The following NSFL1C variants were observed in gnomAD, a reference collection of about 807,000 sequenced individuals.
NSFL1C encodes NSFL1 cofactor.
NSFL1C carries 14 observed loss-of-function variants against 43.1 expected under a neutral mutation model. The observed-to-expected ratio is 0.32, with a 90% confidence interval of 0.21 to 0.51. The LOEUF (loss-of-function observed/expected upper bound fraction) is 0.51, where lower values mean the gene tolerates loss of function less well. Ranked by LOEUF, NSFL1C falls within the 20% of genes least tolerant of loss-of-function variation. The pLI is 0.98. For missense variants in NSFL1C, 406 were observed against 472.5 expected (o/e 0.86, Z 1.30); for synonymous variants, 171 against 183.5 (o/e 0.93, Z 0.55).
chr20:1,455,648 G>A (rs1224145315), intron 3 of NSFL1C: 1 of 779,468 alleles, frequency 1.3e-6, no homozygotes, highest in African/African-American at 1.7e-5. Context: ...GTAAGCCAGT[G>A]CACTACTCTG....
chr20:1,451,662 TG>T (rs1182317924), intron 7 of NSFL1C, among the ~76,000 whole-genome samples: 1 of 152,216 alleles, frequency 6.6e-6, no homozygotes, highest in African/African-American at 2.4e-5. Flanking sequence ...GGTGACCCCA[TG>T]GCCATGGCCA....
chr20:1,445,256 G>C (rs530597996), intron 8 of NSFL1C, among the ~76,000 whole-genome samples: 5 of 152,150 alleles, frequency 3.3e-5, no homozygotes, highest in Non-Finnish European at 7.4e-5. Flanking sequence ...GGCCCCTTGT[G>C]GGGAGGGAGG....
intron 8 of NSFL1C, 93 bp from the exon 9 acceptor site, chr20:1,444,004 C>T: frequency 4.4e-6 from 6 of 1,354,486 alleles, no homozygotes; most frequent in Non-Finnish European, 6.0e-6. Context: ...ATCCCCTTTC[C>T]TGACTTTCTC....
rs912014280 is a variant in NSFL1C, at chr20:1,443,115, G to C, written c.*634C>G. 1 of 152,296 alleles carries C rather than the reference G, an allele frequency of 6.6e-6. No individual in the cohort carries two copies. The highest frequency in any genetic ancestry group is 2.4e-5 in the African/African-American group (1 of 41,446). The allele number at this position is 152,296 out of a possible 1,614,324, so 9.4% of individuals were successfully genotyped here. A position where few individuals can be genotyped will look rare whatever the true frequency, so the allele number is the denominator to read the frequency against. On this transcript the variant is annotated 3_prime_UTR_variant, in exon 9 of 9. Transcript: ENST00000216879. ...GTGGAACAGAATCTCAACTGGCCAA[G>C]ACCTGGCAAGATTAGATACCCCAGG...
At chr20:1,454,920 T>C in intron 4 of NSFL1C, 47 bp downstream of exon 4, 1 of 1,582,992 alleles carries the variant, frequency 6.3e-7, no homozygotes, top group Admixed American at 1.7e-5. Flanking sequence ...CATTCCCAGT[T>C]CTGGAATCTC....
rs2089996402 is a variant in NSFL1C, at chr20:1,443,665, A to AG, written c.*83dup. On this transcript the variant is annotated 3_prime_UTR_variant, in exon 9 of 9. Transcript: ENST00000216879. ...TGCACTGGACTGCTGGGTGTGCACA[A>AG]GGGGGCAGGAGGGGCGATCCCCATG... 6.8e-7 allele frequency: 1 copy of AG among 1,462,380 alleles called. No homozygotes were observed. The allele number at this position is 1,462,380 out of a possible 1,614,324, so 90.6% of individuals were successfully genotyped here.
intron 7 of NSFL1C, among the ~76,000 whole-genome samples, chr20:1,451,740 G>A (rs575488605): frequency 2.6e-5 from 4 of 152,320 alleles, no homozygotes; most frequent in African/African-American, 7.2e-5. Context: ...TGGGAGAACC[G>A]TATGAGGGAT....
chr20:1,443,871 C>A lies in NSFL1C; in HGVS notation c.991G>T (p.Ala331Ser). ...AGGATAAAGCTGGTGGCAGCCATGG[C>A]TGGCCGGGCATCCACGATGAAGAGT... ...IRLFIVDARP[A>S]MAATSFILMT... Residue 331 changes from alanine (A) to serine (S), a missense_variant, in exon 9 of 9, where the codon GCC becomes TCC. Physicochemically the swap from Ala to Ser is moderately conservative, Grantham distance 99. Transcript: ENST00000216879. The A allele has an allele frequency of 6.2e-7, 1 of 1,613,540 alleles. No individual in the cohort carries two copies. The highest frequency in any genetic ancestry group is 1.1e-5 in the South Asian group (1 of 91,018).
Position 1,455,041 on chromosome 20 carries a change from T to C in NSFL1C, c.370A>G (p.Lys124Glu). 6.2e-7 allele frequency: 1 copy of C among 1,614,118 alleles called. No individual in the cohort carries two copies. Among genetic ancestry groups the C allele is most frequent in the Non-Finnish European group, 8.5e-7 (1 of 1,180,026 alleles). ...SPNELVDDLF[K>E]GAKEHGAVAV... is the part of the protein sequence containing the mutation. ...ACAGCTCCATGCTCTTTGGCACCTT[T>C]AAAGAGATCATCCACCAGCTCGTTG... Residue 124 changes from lysine to glutamate, a missense_variant, in exon 4 of 9, where the codon AAA becomes GAA. Transcript: ENST00000216879.
chr20:1,455,395 G>T (rs1440281738), intron 3 of NSFL1C, among the ~76,000 whole-genome samples: 1 of 152,194 alleles, frequency 6.6e-6, no homozygotes, highest in Admixed American at 6.5e-5. Flanking sequence ...TTGAGGATAA[G>T]GATGAGTTTA....
At chr20:1,445,534 C>T in intron 8 of NSFL1C, 132 bp downstream of exon 8, 3 of 1,023,168 alleles carry the variant, frequency 2.9e-6, no homozygotes, top group East Asian at 2.4e-5. Flanking sequence ...TTACCACCCT[C>T]GTGTCTGCTT....
At chr20:1,451,594 G>A (rs1038281244) in intron 7 of NSFL1C, among the ~76,000 whole-genome samples, 8 of 152,144 alleles carry the variant, frequency 5.3e-5, no homozygotes, top group Non-Finnish European at 1.0e-4. Flanking sequence ...TGGCAAGGAG[G>A]GTCACTATGC....
At chr20:1,454,465 A>G (rs1229871177) in intron 4 of NSFL1C, among the ~76,000 whole-genome samples, 160 bp from the exon 5 acceptor site, 1 of 152,264 alleles carries the variant, frequency 6.6e-6, no homozygotes, top group Non-Finnish European at 1.5e-5. Context: ...TATCAGACTC[A>G]GTGCCTACAT....
intron 3 of NSFL1C, chr20:1,455,696 A>G (rs761694813): frequency 2.6e-6 from 2 of 779,722 alleles, no homozygotes; most frequent in South Asian, 2.7e-5. Context: ...GGAGGGAAGG[A>G]CCACATGCCC....
At chr20:1,455,672 T>G (rs1237910001) in intron 3 of NSFL1C, 1 of 779,704 alleles carries the variant, frequency 1.3e-6, no homozygotes. Flanking sequence ...CTCACTTTCC[T>G]TGTCTTTGAA....
chr20:1,458,628 G>A (rs934386523), intron 2 of NSFL1C, among the ~76,000 whole-genome samples: 5 of 151,550 alleles, frequency 3.3e-5, no homozygotes, highest in Admixed American at 6.6e-5. Context: ...GACTTAAGTA[G>A]TACAGACAGC....
At chr20:1,450,906 GGAT>G (rs2090168233) in intron 7 of NSFL1C, among the ~76,000 whole-genome samples, 1 of 152,116 alleles carries the variant, frequency 6.6e-6, no homozygotes. Context: ...TACTGATAAA[GGAT>G]GATAGCCATA....
At chr20:1,458,791 G>A (rs1452366697) in intron 2 of NSFL1C, among the ~76,000 whole-genome samples, 1 of 152,158 alleles carries the variant, frequency 6.6e-6, no homozygotes, top group Admixed American at 6.5e-5. Flanking sequence ...AGTGCACAGA[G>A]ACCAGAGAGT....
At position 1,445,846 on chromosome 20, in the gene NSFL1C, G is replaced by C. The variant is rs1326347002; in HGVS notation, c.786-16C>G. 6.2e-7 allele frequency: 1 copy of C among 1,613,230 alleles called. No individual in the cohort carries two copies. Among genetic ancestry groups the C allele is most frequent in the South Asian group, 1.1e-5 (1 of 91,032 alleles). ...GGGGGCAGTGCTGAGGAGAGAGGAT[G>C]GCATCAGAACACAAGCAGAAACAAG... is the stretch of plus-strand genomic sequence containing the variant. On this transcript the variant is annotated splice_polypyrimidine_tract_variant and intron_variant, in intron 7 of 8. Transcript: ENST00000216879.
Sources: allele counts gnomAD v4.1 joint callset (sites outside exome capture counted in the v4.1 genomes callset), GRCh38; gene constraint gnomAD v4.1.1; transcripts MANE v1.5; gene names NCBI Gene and HGNC (gene_info 2026-07-23, HGNC 2026-07-21).